The following CTNNA2 variants were observed in gnomAD, a reference collection of about 807,000 sequenced individuals.
The protein encoded by CTNNA2 is catenin alpha-2.
A neutral mutation model predicts 101.0 loss-of-function variants in CTNNA2; 42 were observed. The ratio of observed to expected loss-of-function variants is 0.42; its 90% CI spans 0.32 to 0.54. The LOEUF (loss-of-function observed/expected upper bound fraction) is 0.54. Ranked by LOEUF, CTNNA2 falls within the 20% of genes least tolerant of loss-of-function variation. CTNNA2 has a pLI of 0.14. For synonymous variants in CTNNA2, 450 were observed against 456.4 expected, an observed-to-expected ratio of 0.99 and a Z score of 0.18; for missense variants, 871 against 1,223.1, an observed-to-expected ratio of 0.71 and a Z score of 4.29.
intron 3 of CTNNA2, among the ~76,000 whole-genome samples, chr2:79,773,987 A>C (rs117953261): frequency 0.011 from 1,695 of 152,194 alleles, 58 homozygotes; most frequent in East Asian, 0.11. Context: ...GATGGCTGCT[A>C]CACCTTCCCC....
intron 9 of CTNNA2, among the ~76,000 whole-genome samples, chr2:80,482,339 G>T (rs916531544): frequency 6.6e-6 from 1 of 152,120 alleles, no homozygotes; most frequent in Admixed American, 6.6e-5. Context: ...GTAATTACAG[G>T]AGTACAGTTC....
At chr2:80,305,869 G>A (rs1374971255) in intron 7 of CTNNA2, among the ~76,000 whole-genome samples, 1 of 152,156 alleles carries the variant, frequency 6.6e-6, no homozygotes, top group African/African-American at 2.4e-5. Flanking sequence ...GGAGATGGTA[G>A]GGAGAGTCAA....
chr2:79,846,815 G>A (rs1396541840), intron 3 of CTNNA2, among the ~76,000 whole-genome samples: 1 of 152,206 alleles, frequency 6.6e-6, no homozygotes, highest in Admixed American at 6.5e-5. Context: ...TCAAATATAT[G>A]TAGTAATTTA....
At chr2:80,093,518 C>G (rs1034114959) in intron 7 of CTNNA2, among the ~76,000 whole-genome samples, 2 of 152,090 alleles carry the variant, frequency 1.3e-5, no homozygotes, top group African/African-American at 4.8e-5. Flanking sequence ...GGGTATATAT[C>G]CAGTAATGGG....
chr2:79,688,331 A>G (rs1220922132), intron 2 of CTNNA2, among the ~76,000 whole-genome samples: 1 of 152,104 alleles, frequency 6.6e-6, no homozygotes, highest in Non-Finnish European at 1.5e-5. Flanking sequence ...TATTGGAATT[A>G]TGAGACATAA....
At chr2:79,809,636 G>GT (rs974452266) in intron 3 of CTNNA2, among the ~76,000 whole-genome samples, 1 of 151,984 alleles carries the variant, frequency 6.6e-6, no homozygotes. Context: ...TGGTGGGGTG[G>GT]TTTTTTTCTT....
chr2:80,564,478 T>C (rs1246962785), intron 12 of CTNNA2, among the ~76,000 whole-genome samples: 2 of 151,834 alleles, frequency 1.3e-5, no homozygotes, highest in Non-Finnish European at 2.9e-5. Flanking sequence ...CTGATTCTTT[T>C]AGGGTAGTTG....
chr2:79,925,984 T>C (rs1041026109), intron 7 of CTNNA2, among the ~76,000 whole-genome samples: 1 of 152,082 alleles, frequency 6.6e-6, no homozygotes, highest in Non-Finnish European at 1.5e-5. Flanking sequence ...GATCTGAAGA[T>C]TACGATAGAA....
At chr2:79,620,007 TTTTTC>T (rs1163862964) in intron 1 of CTNNA2, among the ~76,000 whole-genome samples, 1 of 152,236 alleles carries the variant, frequency 6.6e-6, no homozygotes, top group East Asian at 1.9e-4. Context: ...ACTATGTGAC[TTTTTC>T]TTATTAAGCA....
At chr2:80,040,015 T>C (rs978636285) in intron 7 of CTNNA2, among the ~76,000 whole-genome samples, 1 of 152,212 alleles carries the variant, frequency 6.6e-6, no homozygotes, top group African/African-American at 2.4e-5. Context: ...AAATAAAACG[T>C]AAAAATTATC....
chr2:80,011,929 G>A (rs981179036), intron 7 of CTNNA2, among the ~76,000 whole-genome samples: 1 of 152,148 alleles, frequency 6.6e-6, no homozygotes, highest in African/African-American at 2.4e-5. Context: ...GATTAACCAT[G>A]ATGTTGGCAG....
At chr2:79,461,658 T>G (rs1670880807) in intron 4 of CTNNA2, among the ~76,000 whole-genome samples, 2 of 152,096 alleles carry the variant, frequency 1.3e-5, no homozygotes, top group African/African-American at 4.8e-5. Flanking sequence ...ATCACGCCTA[T>G]CTAAGAAGGA....
intron 9 of CTNNA2, among the ~76,000 whole-genome samples, chr2:80,434,851 A>G (rs1681892632): frequency 6.6e-6 from 1 of 152,094 alleles, no homozygotes; most frequent in African/African-American, 2.4e-5. Flanking sequence ...CAAGTGTGCA[A>G]TATGTCAGGG....
intron 7 of CTNNA2, among the ~76,000 whole-genome samples, chr2:80,221,935 G>A (rs538702886): frequency 1.3e-5 from 2 of 152,308 alleles, no homozygotes; most frequent in Admixed American, 6.5e-5. Flanking sequence ...GAAGGAGTTT[G>A]GCTTTTTATC....
chr2:79,256,743 G>T (rs1674848976), intron 2 of CTNNA2, among the ~76,000 whole-genome samples: 1 of 152,176 alleles, frequency 6.6e-6, no homozygotes, highest in African/African-American at 2.4e-5. Flanking sequence ...AAATGCTTCA[G>T]TCACTGCCCA....
At chr2:79,867,323 C>G (rs1682191236) in intron 4 of CTNNA2, among the ~76,000 whole-genome samples, 1 of 132,626 alleles carries the variant, frequency 7.5e-6, no homozygotes, top group South Asian at 2.7e-4. Flanking sequence ...TTTTCTACGT[C>G]CCTTCAATAT....
chr2:79,987,507 T>C (rs575126567), intron 7 of CTNNA2, among the ~76,000 whole-genome samples: 7 of 152,348 alleles, frequency 4.6e-5, no homozygotes, highest in Non-Finnish European at 8.8e-5. Context: ...TAGTGATATT[T>C]AGCTCATAAC....
chr2:79,496,825 AAACTT>A (rs557876074), intron 4 of CTNNA2, among the ~76,000 whole-genome samples: 425 of 152,286 alleles, frequency 2.8e-3, no homozygotes, highest in Admixed American at 3.6e-3. Flanking sequence ...AAAAAATATT[AAACTT>A]AACTTTACTG....
intron 4 of CTNNA2, among the ~76,000 whole-genome samples, chr2:79,392,858 G>T (rs770978910): frequency 1.3e-5 from 2 of 152,142 alleles, no homozygotes; most frequent in Non-Finnish European, 2.9e-5. Flanking sequence ...ATCAGTAATA[G>T]AAATCAGTTC....
Sources: allele counts gnomAD v4.1 joint callset (sites outside exome capture counted in the v4.1 genomes callset), GRCh38; gene constraint gnomAD v4.1.1; transcripts MANE v1.5; gene names NCBI Gene and HGNC (gene_info 2026-07-23, HGNC 2026-07-21).